The following AGPS variants were observed in gnomAD, a reference collection of about 807,000 sequenced individuals.
AGPS encodes alkylglycerone phosphate synthase.
AGPS carries 26 observed loss-of-function variants against 90.7 expected under a neutral mutation model. That is an observed-to-expected ratio of 0.29 (90% CI 0.21 to 0.40). The LOEUF (loss-of-function observed/expected upper bound fraction) is 0.40, where lower values mean the gene tolerates loss of function less well. AGPS is among the 10% of genes least tolerant of loss of function. The pLI is 1.00. For synonymous variants in AGPS, 294 were observed against 285.3 expected (o/e 1.03, Z -0.31); for missense variants, 540 against 816.1 (o/e 0.66, Z 4.12).
intron 9 of AGPS, among the ~76,000 whole-genome samples, chr2:177,464,892 G>A (rs1687402649): frequency 6.6e-6 from 1 of 152,232 alleles, no homozygotes; most frequent in African/African-American, 2.4e-5. Flanking sequence ...AAAGTATGAT[G>A]CAGTGAGCAT....
chr2:177,453,059 C>T lies in AGPS; in HGVS notation c.870+7433C>T, dbSNP rs535024165. 4.6e-5 allele frequency among the ~76,000 whole-genome samples: 7 copies of T among 151,878 alleles called. No homozygotes were observed. In the East Asian group the frequency reaches 9.7e-4, roughly 21 times the overall value. ...GACTTTAGTGTGGGTCTGCTGTTGG[C>T]AAATTCTAATTTTGTCTGAAGAAGT... On this transcript the variant is annotated intron_variant, in intron 8 of 19. Coordinates refer to ENST00000264167, the MANE Select transcript of AGPS (RefSeq NM_003659.4).
At chr2:177,519,209 G>A (rs565338135) in intron 17 of AGPS, among the ~76,000 whole-genome samples, 4 of 152,118 alleles carry the variant, frequency 2.6e-5, no homozygotes, top group Admixed American at 2.6e-4. Flanking sequence ...ACTCATGGAT[G>A]TCTAGCTTTT....
At chr2:177,411,202 T>A (rs1685611618) in intron 1 of AGPS, among the ~76,000 whole-genome samples, 1 of 152,184 alleles carries the variant, frequency 6.6e-6, no homozygotes, top group Non-Finnish European at 1.5e-5. Flanking sequence ...CTTTTGAATT[T>A]TTTCTAATGT....
chr2:177,400,336 AT>A (rs1685298620), intron 1 of AGPS, among the ~76,000 whole-genome samples: 1 of 152,182 alleles, frequency 6.6e-6, no homozygotes, highest in Non-Finnish European at 1.5e-5. Context: ...CACATTTTAA[AT>A]TTGAGTTACA....
intron 1 of AGPS, among the ~76,000 whole-genome samples, chr2:177,399,786 C>T (rs1685282960): frequency 6.6e-6 from 1 of 152,228 alleles, no homozygotes; most frequent in African/African-American, 2.4e-5. Context: ...CCAGGATAAC[C>T]ACTACCTTGA....
chr2:177,527,214 G>T (rs987885281), intron 19 of AGPS, among the ~76,000 whole-genome samples: 29 of 152,086 alleles, frequency 1.9e-4, no homozygotes, highest in African/African-American at 6.8e-4. Context: ...GATTGCTTAA[G>T]CTCAGGAGTT....
At chr2:177,407,420 C>A (rs1685498665) in intron 1 of AGPS, among the ~76,000 whole-genome samples, 1 of 152,206 alleles carries the variant, frequency 6.6e-6, no homozygotes, top group Non-Finnish European at 1.5e-5. Flanking sequence ...ACTCTGGCAT[C>A]AGCTTCTGGG....
At chr2:177,428,509 A>T (rs529678594) in intron 2 of AGPS, among the ~76,000 whole-genome samples, 6 of 152,322 alleles carry the variant, frequency 3.9e-5, no homozygotes, top group African/African-American at 1.4e-4. Context: ...CTTGCAAGGC[A>T]GGCCTGGTGG....
chr2:177,520,674 A>G (rs891888102), intron 17 of AGPS, among the ~76,000 whole-genome samples: 20 of 152,246 alleles, frequency 1.3e-4, no homozygotes, highest in African/African-American at 4.6e-4. Flanking sequence ...TATACAAGTC[A>G]CATGAAGAAC....
chr2:177,523,069 C>T (rs535377945), intron 18 of AGPS, among the ~76,000 whole-genome samples: 4 of 152,128 alleles, frequency 2.6e-5, no homozygotes, highest in South Asian at 2.1e-4. Context: ...TAGGGTAAAA[C>T]GAGGTTTTTC....
chr2:177,500,122 G>A (rs1688516920), intron 14 of AGPS, among the ~76,000 whole-genome samples: 1 of 151,902 alleles, frequency 6.6e-6, no homozygotes, highest in Non-Finnish European at 1.5e-5. Flanking sequence ...TGCTACTAGT[G>A]TGTTTTTAAA....
chr2:177,509,825 C>T (rs1688819493), intron 16 of AGPS, among the ~76,000 whole-genome samples: 1 of 152,008 alleles, frequency 6.6e-6, no homozygotes, highest in Non-Finnish European at 1.5e-5. Flanking sequence ...AAGGTGGAAA[C>T]ATATTTTTCC....
intron 5 of AGPS, among the ~76,000 whole-genome samples, chr2:177,438,859 G>T (rs946098729): frequency 6.6e-6 from 1 of 152,116 alleles, no homozygotes; most frequent in African/African-American, 2.4e-5. Flanking sequence ...TAATTTTAAT[G>T]TGAATTTCCT....
At chr2:177,489,104 A>ATTT (rs1688176977) in intron 11 of AGPS, among the ~76,000 whole-genome samples, 23 of 103,256 alleles carry the variant, frequency 2.2e-4, no homozygotes, top group Non-Finnish European at 1.6e-4. Context: ...TTTTTTTTTG[A>ATTT]AACGGAGTCT....
chr2:177,420,211 T>A, intron 1 of AGPS, 58 bp from the exon 2 acceptor site: 2 of 1,058,512 alleles, frequency 1.9e-6, no homozygotes, highest in Admixed American at 3.4e-5. Context: ...AATGATATAC[T>A]GTACAGTTTT....
At chr2:177,439,409 A>G (rs764977964) in intron 5 of AGPS, among the ~76,000 whole-genome samples, 4 of 152,166 alleles carry the variant, frequency 2.6e-5, no homozygotes, top group Non-Finnish European at 4.4e-5. Flanking sequence ...AAGGCTTTTG[A>G]TTAGGTGACA....
At chr2:177,465,632 G>A (rs533699541) in intron 9 of AGPS, among the ~76,000 whole-genome samples, 32 of 152,334 alleles carry the variant, frequency 2.1e-4, no homozygotes, top group African/African-American at 7.5e-4. Context: ...GCAGCTCCAG[G>A]CATCAGCTCC....
chr2:177,478,701 A>G (rs1203523031), intron 10 of AGPS, among the ~76,000 whole-genome samples: 2 of 151,932 alleles, frequency 1.3e-5, no homozygotes, highest in African/African-American at 4.8e-5. Context: ...TTAATAGTTT[A>G]TCTTCATTTA....
intron 3 of AGPS, among the ~76,000 whole-genome samples, chr2:177,435,967 T>C (rs1448764696): frequency 6.6e-6 from 1 of 152,272 alleles, no homozygotes; most frequent in South Asian, 2.1e-4. Flanking sequence ...CTCATAGTTT[T>C]AACTTTGAAG....
Sources: allele counts gnomAD v4.1 joint callset (sites outside exome capture counted in the v4.1 genomes callset), GRCh38; gene constraint gnomAD v4.1.1; transcripts MANE v1.5; gene names NCBI Gene and HGNC (gene_info 2026-07-23, HGNC 2026-07-21).